The following PSMD14 variants were observed in gnomAD, a reference collection of about 807,000 sequenced individuals.
PSMD14 encodes the protein ubiquitin C-terminal hydrolase PSMD14.
PSMD14 carries 7 observed loss-of-function variants against 41.2 expected under a neutral mutation model. That is an observed-to-expected ratio of 0.17 (90% confidence interval 0.10 to 0.32). The LOEUF (loss-of-function observed/expected upper bound fraction) is 0.32, where lower values mean the gene tolerates loss of function less well. Ranked by LOEUF, PSMD14 falls within the 10% of genes least tolerant of loss-of-function variation. The probability of loss-of-function intolerance (pLI) is 1.00; values close to 1 mark genes in which losing one functional copy is unlikely to be tolerated. For missense variants in PSMD14, 139 were observed against 375.6 expected, an observed-to-expected ratio of 0.37 and a Z score of 5.21; for synonymous variants, 114 against 122.3, an observed-to-expected ratio of 0.93 and a Z score of 0.45.
At chr2:161,331,351 C>T (rs1195095108) in intron 3 of PSMD14, among the ~76,000 whole-genome samples, 1 of 152,040 alleles carries the variant, frequency 6.6e-6, no homozygotes, top group East Asian at 1.9e-4. Flanking sequence ...CAACCTCCGC[C>T]TCCCAGGTTC....
At chr2:161,360,376 T>C (rs1388626432) in intron 3 of PSMD14, among the ~76,000 whole-genome samples, 2 of 150,908 alleles carry the variant, frequency 1.3e-5, no homozygotes, top group African/African-American at 4.9e-5. Flanking sequence ...GTTTTTTTTT[T>C]TTTTTCACCC....
intron 1 of PSMD14, among the ~76,000 whole-genome samples, chr2:161,309,161 A>G (rs539431494): frequency 2.0e-5 from 3 of 152,308 alleles, no homozygotes; most frequent in African/African-American, 7.2e-5. Flanking sequence ...CTTACTTTCA[A>G]TATCATACTA....
chr2:161,340,969 A>G (rs1682947020), intron 3 of PSMD14: 1 of 1,612,882 alleles, frequency 6.2e-7, no homozygotes, highest in Non-Finnish European at 8.5e-7. Context: ...TCACCATCCA[A>G]GTCCTGCTCC....
intron 7 of PSMD14, chr2:161,385,244 A>T (rs1683619368): frequency 3.0e-6 from 1 of 333,846 alleles, no homozygotes. Flanking sequence ...TTACTGCTTC[A>T]TGAAAATTGC....
chr2:161,373,235 A>G (rs952447062), intron 7 of PSMD14, among the ~76,000 whole-genome samples: 6 of 152,026 alleles, frequency 3.9e-5, no homozygotes, highest in South Asian at 2.1e-4. Flanking sequence ...AAAAAATAAT[A>G]TATCTAAAAT....
intron 9 of PSMD14, among the ~76,000 whole-genome samples, chr2:161,394,612 C>A (rs1683765711): frequency 6.6e-6 from 1 of 152,174 alleles, no homozygotes; most frequent in Admixed American, 6.5e-5. Flanking sequence ...CCCTAGTGAT[C>A]TTGAAATGAA....
chr2:161,406,135 A>G (rs910780905), intron 10 of PSMD14, among the ~76,000 whole-genome samples: 1 of 152,212 alleles, frequency 6.6e-6, no homozygotes, highest in African/African-American at 2.4e-5. Flanking sequence ...GATTTTCCAT[A>G]TAAGAAACTT....
Position 161,371,175 on chromosome 2 carries a change from G to A in PSMD14, c.315G>A (p.Pro105=), listed in dbSNP as rs767758513. Residue 105 remains proline, a synonymous_variant, in exon 7 of 12, where the codon CCG becomes CCA. Coordinates refer to ENST00000409682, the MANE Select transcript of PSMD14 (RefSeq NM_005805.6). ...CTGAATGCCCTCTTTGTTTCAGGCC[G>A]GAGATGGTTGTTGGTTGGTATCACA... is the stretch of plus-strand genomic sequence containing the variant. The part of the protein sequence containing the change: ...MLDMLKQTGR[P]EMVVGWYHSH... 4.9e-5 allele frequency: 79 copies of A among 1,612,184 alleles called. No homozygotes were observed. In the Admixed American group the frequency reaches 7.7e-4, roughly 16 times the overall value.
intron 9 of PSMD14, 73 bp from the exon 10 acceptor site, chr2:161,395,005 G>A: frequency 1.3e-5 from 16 of 1,214,692 alleles, no homozygotes; most frequent in South Asian, 5.3e-5. Flanking sequence ...TTTTTTTGAA[G>A]TTTTTTTTCT....
At chr2:161,385,398 C>A in intron 7 of PSMD14, 66 bp from the exon 8 acceptor site, 1 of 801,822 alleles carries the variant, frequency 1.2e-6, no homozygotes, top group Non-Finnish European at 2.1e-6. Context: ...CATGCCTTGT[C>A]CACTGTTGCT....
chr2:161,326,384 AAAC>A (rs534526085), intron 3 of PSMD14, among the ~76,000 whole-genome samples: 9 of 152,272 alleles, frequency 5.9e-5, no homozygotes, highest in South Asian at 2.1e-4. Flanking sequence ...TATCCAAATT[AAAC>A]AACAACAACA....
intron 8 of PSMD14, among the ~76,000 whole-genome samples, chr2:161,387,688 A>G (rs1455742888): frequency 6.6e-6 from 1 of 152,050 alleles, no homozygotes; most frequent in Non-Finnish European, 1.5e-5. Flanking sequence ...GTGCCTATAT[A>G]TTTATACCAG....
At chr2:161,374,426 T>G (rs1252281348) in intron 7 of PSMD14, among the ~76,000 whole-genome samples, 1 of 151,966 alleles carries the variant, frequency 6.6e-6, no homozygotes, top group Non-Finnish European at 1.5e-5. Flanking sequence ...ACATAAATAA[T>G]GAAATACACT....
intron 10 of PSMD14, among the ~76,000 whole-genome samples, chr2:161,406,544 C>T (rs767153152): frequency 1.3e-5 from 2 of 152,142 alleles, no homozygotes; most frequent in African/African-American, 2.4e-5. Context: ...CAGATTAGAA[C>T]TGTGAATGAA....
chr2:161,390,147 C>T (rs1201109877), intron 8 of PSMD14, among the ~76,000 whole-genome samples: 1 of 151,772 alleles, frequency 6.6e-6, no homozygotes, highest in Non-Finnish European at 1.5e-5. Flanking sequence ...ATGTTCTCTT[C>T]TTTACCCCTT....
At chr2:161,365,132 C>T (rs924412022) in intron 3 of PSMD14, among the ~76,000 whole-genome samples, 1 of 152,100 alleles carries the variant, frequency 6.6e-6, no homozygotes, top group Non-Finnish European at 1.5e-5. Context: ...AAACAGCACT[C>T]ATACAATAAA....
In PSMD14 at chr2:161,311,022, C is replaced by T. The variant is rs12473980; in HGVS notation, c.-138+2418C>T. On this transcript the variant is annotated intron_variant, in intron 1 of 11. Transcript: ENST00000409682. The stretch of plus-strand genomic sequence containing the variant: ...GAAAATATTTGGAAAAAAGTTGCAT[C>T]TAGGCCAGGCGTGGTGGCTCACGCC... Among the ~76,000 whole-genome samples, 76 of 152,268 alleles carry T rather than the reference C, an allele frequency of 5.0e-4. 1 individual carries two copies. The highest frequency in any genetic ancestry group is 2.9e-3 in the Admixed American group (45 of 15,290).
chr2:161,369,368 A>G (rs1444862904), intron 5 of PSMD14, among the ~76,000 whole-genome samples: 2 of 152,038 alleles, frequency 1.3e-5, no homozygotes, highest in African/African-American at 4.8e-5. Flanking sequence ...TTTTTAAGAC[A>G]GTCCTTTTAA....
At chr2:161,375,170 T>A (rs961051728) in intron 7 of PSMD14, among the ~76,000 whole-genome samples, 1 of 152,026 alleles carries the variant, frequency 6.6e-6, no homozygotes. Context: ...TGCTAATGAT[T>A]CTAAGATGCA....
Sources: gnomAD v4.1 joint callset for allele counts (sites outside exome capture counted in the v4.1 genomes callset) on GRCh38, gnomAD v4.1.1 for gene constraint, MANE v1.5 for transcripts, NCBI Gene and HGNC (gene_info 2026-07-23, HGNC 2026-07-21) for gene names.